The following PRUNE2 variants were observed in gnomAD, a reference collection of about 807,000 sequenced individuals.
PRUNE2 encodes the protein prune homolog 2 with BCH domain.
PRUNE2 carries 164 observed loss-of-function variants against 252.0 expected under a neutral mutation model. The observed-to-expected ratio is 0.65, with a 90% CI of 0.57 to 0.74. The LOEUF (loss-of-function observed/expected upper bound fraction) is 0.74. PRUNE2 is among the 30% of genes least tolerant of loss of function. The pLI is 0.00. For missense variants in PRUNE2, 3,495 were observed against 3,711.0 expected (o/e 0.94, Z 1.51); for synonymous variants, 1,292 against 1,350.2 (o/e 0.96, Z 0.94).
In PRUNE2 at chr9:76,704,063, T is replaced by C. The variant is rs1351302812; in HGVS notation, c.7550A>G (p.Lys2517Arg). 1 of 1,601,244 alleles carries C rather than the reference T, an allele frequency of 6.2e-7. No homozygotes were observed. The highest frequency in any genetic ancestry group is 8.5e-7 in the Non-Finnish European group (1 of 1,175,860). The stretch of plus-strand genomic sequence containing the variant: ...CTCAGGCTCTTTGGTAGGAATTGTT[T>C]TTTCTTCTTCCAATTCTGATATTTC... ...SKEISELEEE[K>R]TIPTKEPEQI... The change falls in exon 9 of 19, where the codon AAA (lysine) becomes AGA (arginine). Residue 2517 changes from lysine to arginine, a missense_variant. Coordinates refer to ENST00000376718, the MANE Select transcript of PRUNE2 (RefSeq NM_015225.3).
Position 76,894,107 on chromosome 9 carries a change from T to G in PRUNE2, c.36+11821A>C, listed in dbSNP as rs187704838. Among the ~76,000 whole-genome samples the G allele has an allele frequency of 2.3e-3, 343 of 152,316 alleles. 1 individual carries two copies. Among genetic ancestry groups the G allele is most frequent in the African/African-American group, 7.6e-3 (317 of 41,568 alleles). On this transcript the variant is annotated intron_variant, in intron 1 of 18. Transcript: ENST00000376718. ...CCATCTAAAGAGAAAAAACGAGTTC[T>G]CTCAATGATCTTGGTAAACACTCAA...
At chr9:76,860,347 G>A (rs935560308) in intron 1 of PRUNE2, among the ~76,000 whole-genome samples, 4 of 152,120 alleles carry the variant, frequency 2.6e-5, no homozygotes, top group Non-Finnish European at 4.4e-5. Context: ...AGCCCTTCCC[G>A]TAACTCTAAC....
intron 9 of PRUNE2, among the ~76,000 whole-genome samples, chr9:76,668,452 C>G (rs1039731221): frequency 6.6e-6 from 1 of 152,206 alleles, no homozygotes; most frequent in Admixed American, 6.5e-5. Context: ...AAAATTCTAT[C>G]TCCTTCACTC....
In PRUNE2 at chr9:76,790,603, G is replaced by A. The variant is rs978540746; in HGVS notation, c.756+33029C>T. Among the ~76,000 whole-genome samples the A allele has an allele frequency of 2.6e-5, 4 of 152,026 alleles. No homozygotes were observed. In the South Asian group the frequency reaches 6.2e-4, roughly 24 times the overall value. On this transcript the variant is annotated intron_variant, in intron 6 of 18. Transcript: ENST00000376718. ...AGCTGCATTTAATTAAATTAGGATC[G>A]GTGCAGGAAAAGCAAAGGAAAAAAG...
intron 14 of PRUNE2, 52 bp from the exon 15 acceptor site, chr9:76,636,609 G>A (rs1443143830): frequency 1.1e-6 from 1 of 920,656 alleles, no homozygotes; most frequent in Non-Finnish European, 1.7e-6. Context: ...TTTTCAGTGG[G>A]AATTAAAACA....
chr9:76,762,392 T>C (rs1391325933), intron 6 of PRUNE2, among the ~76,000 whole-genome samples: 2 of 152,124 alleles, frequency 1.3e-5, no homozygotes, highest in Middle Eastern at 3.2e-3. Flanking sequence ...GTTGCAGAAA[T>C]GTGCGCAGAG....
At chr9:76,777,519 G>A (rs1015150758) in intron 6 of PRUNE2, among the ~76,000 whole-genome samples, 6 of 152,118 alleles carry the variant, frequency 3.9e-5, no homozygotes, top group African/African-American at 9.7e-5. Flanking sequence ...ACTCCTTTGC[G>A]CCTTCCCAAA....
chr9:76,745,957 C>T (rs2050067426), intron 6 of PRUNE2, among the ~76,000 whole-genome samples: 1 of 152,238 alleles, frequency 6.6e-6, no homozygotes, highest in Non-Finnish European at 1.5e-5. Flanking sequence ...TAGCCTGTGT[C>T]CCTACAGGCA....
intron 12 of PRUNE2, among the ~76,000 whole-genome samples, chr9:76,642,271 T>C (rs534570031): frequency 7.9e-5 from 12 of 152,296 alleles, no homozygotes; most frequent in African/African-American, 2.6e-4. Flanking sequence ...GATGATGTCA[T>C]TGAGGCCCAG....
At chr9:76,827,370 C>G (rs1322714125) in intron 4 of PRUNE2, among the ~76,000 whole-genome samples, 2 of 152,138 alleles carry the variant, frequency 1.3e-5, no homozygotes, top group Non-Finnish European at 2.9e-5. Flanking sequence ...AAGTAATTTT[C>G]CAGTGTGAAG....
intron 9 of PRUNE2, among the ~76,000 whole-genome samples, chr9:76,678,607 A>C (rs1490494848): frequency 2.0e-5 from 3 of 152,116 alleles, no homozygotes; most frequent in Non-Finnish European, 2.9e-5. Flanking sequence ...AGATGGGCGG[A>C]TGACGAGGTC....
At chr9:76,758,388 G>A (rs2051358053) in intron 6 of PRUNE2, 1 of 152,186 alleles carries the variant, frequency 6.6e-6, no homozygotes, top group Admixed American at 6.5e-5. Context: ...AGGTGCTGAG[G>A]GGTTTCCTTG....
At chr9:76,656,474 C>T (rs1158405171) in intron 9 of PRUNE2, among the ~76,000 whole-genome samples, 3 of 152,176 alleles carry the variant, frequency 2.0e-5, no homozygotes, top group Admixed American at 2.0e-4. Context: ...CTGTACTTTG[C>T]ACTATGTAAC....
Position 76,649,100 on chromosome 9 carries a change from C to T in PRUNE2, c.8557+3383G>A, listed in dbSNP as rs541506349. Among the ~76,000 whole-genome samples, 16 of 152,292 alleles carry T rather than the reference C, an allele frequency of 1.1e-4. No homozygotes were observed. The East Asian group carries it at 3.1e-3, about 29-fold the overall frequency. On this transcript the variant is annotated intron_variant, in intron 11 of 18. Transcript: ENST00000376718. The stretch of plus-strand genomic sequence containing the variant: ...ACAGGAAAACTCTGTACTCTCCGCT[C>T]AGATTTGCTGTGAACCTAAAGTTGC...
At chr9:76,756,349 G>T (rs144335327) in intron 6 of PRUNE2, among the ~76,000 whole-genome samples, 354 of 152,322 alleles carry the variant, frequency 2.3e-3, no homozygotes, top group African/African-American at 6.6e-3. Flanking sequence ...CGGCACCCAG[G>T]AACTGTGAAG....
At chr9:76,615,433 A>G (rs1031047364) in intron 18 of PRUNE2, among the ~76,000 whole-genome samples, 2 of 152,220 alleles carry the variant, frequency 1.3e-5, no homozygotes, top group Non-Finnish European at 2.9e-5. Flanking sequence ...AATTTGCGGC[A>G]GCTGAGCAGT....
At position 76,703,486 on chromosome 9, in the gene PRUNE2, C is replaced by T. The variant is rs41288765; in HGVS notation, c.8127G>A (p.Pro2709=). Residue 2709 remains proline, a synonymous_variant, in exon 9 of 19, where the codon CCG becomes CCA. Transcript: ENST00000376718. ...QKSKSRGRAG[P]DAVTLQAVTH... ...TGACAGCCTGCAACGTAACTGCATC[C>T]GGGCCAGCCCTGCCTCGGCTCTTAC... 665 of 1,613,392 alleles carry T rather than the reference C, an allele frequency of 4.1e-4. No homozygotes were observed. The highest frequency in any genetic ancestry group is 5.2e-4 in the Non-Finnish European group (611 of 1,179,782).
At chr9:76,642,250 C>T (rs1264185495) in intron 12 of PRUNE2, among the ~76,000 whole-genome samples, 1 of 152,046 alleles carries the variant, frequency 6.6e-6, no homozygotes, top group East Asian at 1.9e-4. Context: ...TGAGATTACC[C>T]TCATTTGGCT....
chr9:76,692,990 C>A (rs952407048), intron 9 of PRUNE2: 1 of 135,010 alleles, frequency 7.4e-6, no homozygotes, highest in Non-Finnish European at 1.5e-5. Context: ...CCACCCCCTC[C>A]CCCCCTCCAA....
Sources: gnomAD v4.1 joint callset for allele counts (sites outside exome capture counted in the v4.1 genomes callset) on GRCh38, gnomAD v4.1.1 for gene constraint, MANE v1.5 for transcripts, NCBI Gene and HGNC (gene_info 2026-07-23, HGNC 2026-07-21) for gene names.